Variants in TET2 observed in about 807,000 individuals in gnomAD.
TET2 encodes methylcytosine dioxygenase TET2.
TET2 carries 299 observed loss-of-function variants against 142.9 expected under a neutral mutation model. That is an observed-to-expected ratio of 2.09 (90% CI 1.90 to 2.30). The LOEUF (loss-of-function observed/expected upper bound fraction) is 2.30, where lower values mean the gene tolerates loss of function less well. Among genes scored for constraint, TET2 ranks in the 30% most tolerant of loss-of-function variants. The pLI, the probability that TET2 is intolerant of heterozygous loss-of-function variation, is 0.00. For missense variants in TET2, 2,418 were observed against 2,378.0 expected (o/e 1.02, Z -0.35); for synonymous variants, 819 against 849.0 (o/e 0.96, Z 0.61).
At position 105,276,656 on chromosome 4, in the gene TET2, A is replaced by G; in HGVS notation, c.*137A>G. On this transcript the variant is annotated 3_prime_UTR_variant, in exon 11 of 11. Coordinates refer to ENST00000380013, the MANE Select transcript of TET2 (RefSeq NM_001127208.3). ...GTGGTGGGAAAAACCTCAGCTCACCAGCAACAAAAGAGGTTATCTTACCAT... is the reference window on the plus strand; with the variant it reads ...GTGGTGGGAAAAACCTCAGCTCACCGGCAACAAAAGAGGTTATCTTACCAT... 1.0e-6 allele frequency: 1 copy of G among 994,542 alleles called. No homozygotes were observed. The highest frequency in any genetic ancestry group is 1.4e-6 in the Non-Finnish European group (1 of 696,324). 61.6% of individuals were successfully genotyped at this position (994,542 alleles called of 1,614,324 possible).
intron 2 of TET2, among the ~76,000 whole-genome samples, chr4:105,216,076 T>C (rs961069294): frequency 6.6e-6 from 1 of 152,204 alleles, no homozygotes; most frequent in African/African-American, 2.4e-5. Context: ...TTTATGATCT[T>C]GATTACTAAC....
chr4:105,234,233 A>T lies in TET2; in HGVS notation c.291A>T (p.Thr97=), dbSNP rs1728689268. The part of the protein sequence containing the change: ...KCLQNGGIKR[T]VSEPSLSGLL... ...TGCAAAATGGAGGAATAAAACGCAC[A>T]GTTAGTGAACCTTCTCTCTCTGGGC... Residue 97 remains threonine (T), a synonymous_variant, in exon 3 of 11, where the codon ACA becomes ACT. Transcript: ENST00000380013. The T allele has an allele frequency of 1.2e-6, 2 of 1,614,066 alleles. No individual in the cohort carries two copies. Among genetic ancestry groups the T allele is most frequent in the African/African-American group, 2.7e-5 (2 of 74,950 alleles).
intron 2 of TET2, among the ~76,000 whole-genome samples, chr4:105,221,181 G>C (rs1382737190): frequency 1.3e-5 from 2 of 151,818 alleles, no homozygotes; most frequent in Non-Finnish European, 1.5e-5. Context: ...CACTAGTTTG[G>C]TGAGACTTGG....
intron 2 of TET2, among the ~76,000 whole-genome samples, chr4:105,195,804 C>G (rs1391440): frequency 0.5 from 75,870 of 151,882 alleles, 18,903 homozygotes; most frequent in Non-Finnish European, 0.52. Flanking sequence ...ATAATGTTGT[C>G]TATGTGCGTA....
Position 105,244,781 on chromosome 4 carries a change from GAC to G in TET2, c.3803+1005_3803+1006del, listed in dbSNP as rs530561782. The stretch of plus-strand genomic sequence containing the variant: ...CGGCTAATTTTGTATTTTTAGTAGA[GAC>G]AGGGTTTCTCCATGTTGGTCAGGCT... On this transcript the variant is annotated intron_variant, in intron 6 of 10. Coordinates refer to ENST00000380013, the MANE Select transcript of TET2 (RefSeq NM_001127208.3). 2.2e-3 allele frequency among the ~76,000 whole-genome samples: 333 copies of G among 152,058 alleles called. 2 individuals are homozygous for G. Among genetic ancestry groups the G allele is most frequent in the African/African-American group, 7.6e-3 (314 of 41,474 alleles).
intron 2 of TET2, among the ~76,000 whole-genome samples, chr4:105,196,222 C>G (rs1470123026): frequency 4.0e-5 from 6 of 151,140 alleles, no homozygotes; most frequent in African/African-American, 1.2e-4. Flanking sequence ...TTCTTAAGTG[C>G]AAATCTGACC....
intron 8 of TET2, among the ~76,000 whole-genome samples, chr4:105,267,024 G>C (rs1186996581): frequency 6.6e-6 from 1 of 151,170 alleles, no homozygotes; most frequent in Non-Finnish European, 1.5e-5. Context: ...CACTAGGTGG[G>C]AAAAAATAAG....
intron 1 of TET2, among the ~76,000 whole-genome samples, chr4:105,184,979 A>G (rs1725340869): frequency 6.6e-6 from 1 of 152,208 alleles, no homozygotes; most frequent in African/African-American, 2.4e-5. Flanking sequence ...GAAGGGAAGG[A>G]CTAAATTCAG....
intron 2 of TET2, among the ~76,000 whole-genome samples, chr4:105,208,864 G>A (rs1367947984): frequency 2.0e-5 from 3 of 151,640 alleles, no homozygotes; most frequent in South Asian, 2.1e-4. Flanking sequence ...CCCAAAGAAC[G>A]AACTGTCAGC....
chr4:105,206,173 C>T (rs2110528205), intron 2 of TET2, among the ~76,000 whole-genome samples: 1 of 152,328 alleles, frequency 6.6e-6, no homozygotes, highest in Non-Finnish European at 1.5e-5. Flanking sequence ...TCTCCCTTTC[C>T]TCATGAGTGA....
In TET2 at chr4:105,222,336, G is replaced by A. The variant is rs948458424; in HGVS notation, c.-46-11561G>A. Among the ~76,000 whole-genome samples, 7 of 152,282 alleles carry A rather than the reference G, an allele frequency of 4.6e-5. No homozygotes were observed. The Middle Eastern group carries it at 0.017, about 370-fold the overall frequency. ...ACTAGTTTACAGTCCCACCAACAGC[G>A]TAAAAGTGTTCCTATTTCTCCACAT... On this transcript the variant is annotated intron_variant, in intron 2 of 10. Transcript: ENST00000380013.
Position 105,236,345 on chromosome 4 carries a change from T to C in TET2, c.2403T>C (p.Asn801=), listed in dbSNP as rs770465094. The C allele has an allele frequency of 6.2e-7, 1 of 1,614,082 alleles. No homozygotes were observed. Among genetic ancestry groups the C allele is most frequent in the East Asian group, 2.2e-5 (1 of 44,854 alleles). The change falls in exon 3 of 11, where the codon AAT becomes AAC. Residue 801 remains asparagine (N), a synonymous_variant. Coordinates refer to ENST00000380013, the MANE Select transcript of TET2 (RefSeq NM_001127208.3). The part of the protein sequence containing the change: ...YSKSSEFETH[N]VQMGLEEVQN... ...AATCAAGCGAGTTCGAGACTCATAA[T>C]GTCCAAATGGGACTGGAGGAAGTAC... is the stretch of plus-strand genomic sequence containing the variant.
In TET2 at chr4:105,164,506, T is replaced by C. The variant is rs1194742077; in HGVS notation, c.-193+17527T>C. On this transcript the variant is annotated intron_variant, in intron 1 of 10. Transcript: ENST00000380013. Reference sequence around the variant, plus strand: ...TAGTGATTGAATAAATATTTGTTTATTCTTCAAGCATGTGTTGAGCATCTA... The same window carrying C: ...TAGTGATTGAATAAATATTTGTTTACTCTTCAAGCATGTGTTGAGCATCTA... Among the ~76,000 whole-genome samples, 3 of 152,258 alleles carry C rather than the reference T, an allele frequency of 2.0e-5. No homozygotes were observed. The East Asian group carries it at 5.8e-4, about 29-fold the overall frequency.
intron 1 of TET2, among the ~76,000 whole-genome samples, chr4:105,150,771 A>AT (rs1723257752): frequency 6.6e-6 from 1 of 152,230 alleles, no homozygotes; most frequent in African/African-American, 2.4e-5. Flanking sequence ...AACTGAGTGA[A>AT]TACTGTGACA....
upstream of TET2, chr4:105,146,715 C>A (rs923961363): frequency 6.6e-6 from 1 of 151,916 alleles, no homozygotes; most frequent in African/African-American, 2.4e-5. Flanking sequence ...CTTGGGCGGC[C>A]GCCGCCGCCT....
rs1728905619 is a variant in TET2 at position 105,236,340 on chromosome 4, CAT to C, written c.2400_2401del (p.His800GlnfsTer15). 3 of 1,613,994 alleles carry C rather than the reference CAT, an allele frequency of 1.9e-6. No individual in the cohort carries two copies. Among genetic ancestry groups the C allele is most frequent in the Non-Finnish European group, 2.5e-6 (3 of 1,180,006 alleles). On this transcript the variant is annotated frameshift_variant, in exon 3 of 11. Coordinates refer to ENST00000380013, the MANE Select transcript of TET2 (RefSeq NM_001127208.3). LOFTEE classifies it high-confidence loss of function. ...QYSKSSEFET[H>X]NVQMGLEEVQ... ...TTCAAAATCAAGCGAGTTCGAGACTCATAATGTCCAAATGGGACTGGAGGAAG... is the reference window on the plus strand; with the variant it reads ...TTCAAAATCAAGCGAGTTCGAGACTCAATGTCCAAATGGGACTGGAGGAAG...
At chr4:105,198,191 CT>C (rs1726203002) in intron 2 of TET2, among the ~76,000 whole-genome samples, 2 of 151,966 alleles carry the variant, frequency 1.3e-5, no homozygotes, top group South Asian at 4.1e-4. Flanking sequence ...GCAAAATTAG[CT>C]GGGGGTGGTG....
intron 2 of TET2, among the ~76,000 whole-genome samples, chr4:105,223,490 T>G (rs1170995906): frequency 7.2e-5 from 11 of 152,100 alleles, no homozygotes; most frequent in Admixed American, 7.2e-4. Flanking sequence ...ACATAGTAAT[T>G]TTAAAGTCAA....
chr4:105,176,778 T>C (rs1724821639), intron 1 of TET2, among the ~76,000 whole-genome samples: 4 of 152,120 alleles, frequency 2.6e-5, no homozygotes. Context: ...CTAAAGTTTA[T>C]ATGGAGAGGC....
Sources: allele counts gnomAD v4.1 joint callset (sites outside exome capture counted in the v4.1 genomes callset), GRCh38; gene constraint gnomAD v4.1.1; transcripts MANE v1.5; gene names NCBI Gene and HGNC (gene_info 2026-07-23, HGNC 2026-07-21).